BBS9: variants seen among roughly 807,000 people sequenced by gnomAD.
BBS9 encodes Bardet-Biedl syndrome 9, also known as protein PTHB1.
BBS9 carries 89 observed loss-of-function variants against 117.7 expected under a neutral mutation model. The ratio of observed to expected loss-of-function variants is 0.76; its 90% CI spans 0.64 to 0.90. The LOEUF (loss-of-function observed/expected upper bound fraction) is 0.90, where lower values mean the gene tolerates loss of function less well. BBS9 is among the 40% of genes least tolerant of loss of function. The probability of loss-of-function intolerance (pLI) is 0.00; values close to 1 mark genes in which losing one functional copy is unlikely to be tolerated. For missense variants in BBS9, 982 were observed against 1,042.2 expected (o/e 0.94, Z 0.80); for synonymous variants, 379 against 370.9 (o/e 1.02, Z -0.25).
chr7:33,329,591 C>A (rs1554423020), intron 9 of BBS9, among the ~76,000 whole-genome samples: 1 of 151,994 alleles, frequency 6.6e-6, no homozygotes, highest in Non-Finnish European at 1.5e-5. Context: ...TATTCCCCCC[C>A]TATCATTTGG....
chr7:33,315,263 G>A (rs1810235103), intron 9 of BBS9, among the ~76,000 whole-genome samples: 2 of 152,186 alleles, frequency 1.3e-5, no homozygotes, highest in South Asian at 4.1e-4. Flanking sequence ...GTCTTTGCTA[G>A]CTGCTGGCAA....
intron 5 of BBS9, among the ~76,000 whole-genome samples, chr7:33,217,716 C>T (rs1789349866): frequency 6.6e-6 from 1 of 152,202 alleles, no homozygotes; most frequent in South Asian, 2.1e-4. Flanking sequence ...GGACATTCCT[C>T]TTGAGGCATG....
intron 21 of BBS9, among the ~76,000 whole-genome samples, chr7:33,634,342 A>T (rs923712604): frequency 1.3e-5 from 2 of 152,220 alleles, no homozygotes; most frequent in Non-Finnish European, 2.9e-5. Context: ...TGGACTCTGC[A>T]GTGGGCAGCC....
At chr7:33,554,949 G>A (rs1006960562) in intron 21 of BBS9, among the ~76,000 whole-genome samples, 6 of 152,152 alleles carry the variant, frequency 3.9e-5, no homozygotes, top group Non-Finnish European at 5.9e-5. Flanking sequence ...GAAGCCAAGC[G>A]AAGGGAGGAT....
intron 19 of BBS9, among the ~76,000 whole-genome samples, chr7:33,442,274 T>G (rs755716175): frequency 6.6e-6 from 1 of 152,202 alleles, no homozygotes; most frequent in Non-Finnish European, 1.5e-5. Flanking sequence ...ACGCCCTTGA[T>G]ACTAATTATC....
At chr7:33,602,419 C>T (rs1863934656) in intron 21 of BBS9, among the ~76,000 whole-genome samples, 1 of 152,116 alleles carries the variant, frequency 6.6e-6, no homozygotes, top group Admixed American at 6.6e-5. Context: ...AGTCTGGCTA[C>T]AGGAGGCATC....
rs375597295 is a variant in BBS9, at chr7:33,167,770, T to G, written c.329-9708T>G. On this transcript the variant is annotated intron_variant, in intron 4 of 22. Coordinates refer to ENST00000242067, the MANE Select transcript of BBS9 (RefSeq NM_198428.3). ...GTTACCAGAAACCTGTATTCAAGAGTGCTTGTCGGGGTCCTTTCTATCCTT... is the reference window on the plus strand; with the variant it reads ...GTTACCAGAAACCTGTATTCAAGAGGGCTTGTCGGGGTCCTTTCTATCCTT... 3.9e-5 allele frequency among the ~76,000 whole-genome samples: 6 copies of G among 152,080 alleles called. No individual in the cohort carries two copies. In the East Asian group the frequency reaches 1.2e-3, roughly 29 times the overall value.
intron 19 of BBS9, among the ~76,000 whole-genome samples, chr7:33,492,204 A>G (rs1235688976): frequency 1.7e-4 from 9 of 51,808 alleles, no homozygotes; most frequent in African/African-American, 8.2e-4. Flanking sequence ...TTCCACCTCG[A>G]AAAAAAAAAC....
intron 19 of BBS9, among the ~76,000 whole-genome samples, chr7:33,418,752 C>T (rs570811529): frequency 2.6e-5 from 4 of 152,208 alleles, no homozygotes; most frequent in African/African-American, 7.2e-5. Flanking sequence ...CCCAGTCTAG[C>T]GTAGTGTTGA....
intron 5 of BBS9, among the ~76,000 whole-genome samples, chr7:33,224,668 G>A (rs1376222956): frequency 2.6e-5 from 4 of 152,056 alleles, no homozygotes; most frequent in Middle Eastern, 3.4e-3. Flanking sequence ...TCCTGTTAAC[G>A]TCCCACAGTC....
At chr7:33,506,550 C>A (rs1219507388) in intron 20 of BBS9, among the ~76,000 whole-genome samples, 1 of 152,108 alleles carries the variant, frequency 6.6e-6, no homozygotes, top group Non-Finnish European at 1.5e-5. Flanking sequence ...CTGTTTCCAT[C>A]CCTGTTTTAC....
intron 1 of BBS9, among the ~76,000 whole-genome samples, chr7:33,130,889 G>A (rs966286315): frequency 3.9e-5 from 6 of 152,012 alleles, no homozygotes; most frequent in Non-Finnish European, 7.4e-5. Flanking sequence ...TATATTTATG[G>A]TACAACTTCT....
chr7:33,550,583 G>A lies in BBS9; in HGVS notation c.2521+16407G>A, dbSNP rs149670996. ...CTCAGCCACAACACGCAAAGATGAC[G>A]TTCTTTAGAACTGTCATGCTGAATG... On this transcript the variant is annotated intron_variant, in intron 21 of 22. Transcript: ENST00000242067. Among the ~76,000 whole-genome samples the A allele has an allele frequency of 2.8e-4, 43 of 152,046 alleles. No individual in the cohort carries two copies. In the East Asian group the frequency reaches 6.8e-3, roughly 24 times the overall value.
chr7:33,567,280 C>G (rs1295289575), intron 21 of BBS9, among the ~76,000 whole-genome samples: 1 of 152,184 alleles, frequency 6.6e-6, no homozygotes, highest in African/African-American at 2.4e-5. Flanking sequence ...TCAGCAGTCT[C>G]TCTCTTCTTT....
intron 21 of BBS9, among the ~76,000 whole-genome samples, chr7:33,621,935 C>A (rs571033119): frequency 6.6e-6 from 1 of 152,146 alleles, no homozygotes; most frequent in Non-Finnish European, 1.5e-5. Flanking sequence ...ATGGGCTGGG[C>A]GCAGTGGTTC....
At chr7:33,312,285 G>C (rs1381775485) in intron 9 of BBS9, among the ~76,000 whole-genome samples, 1 of 152,206 alleles carries the variant, frequency 6.6e-6, no homozygotes. Context: ...GTGTTAGCTA[G>C]AGCGGGATAT....
At chr7:33,220,705 T>A (rs1790083796) in intron 5 of BBS9, among the ~76,000 whole-genome samples, 1 of 152,234 alleles carries the variant, frequency 6.6e-6, no homozygotes, top group South Asian at 2.1e-4. Flanking sequence ...TTGTACATTG[T>A]CCAATTCATG....
chr7:33,432,093 T>C lies in BBS9; in HGVS notation c.2115+43949T>C, dbSNP rs569221915. On this transcript the variant is annotated intron_variant, in intron 19 of 22. Transcript: ENST00000242067. The stretch of plus-strand genomic sequence containing the variant: ...ATTTTTTTTCTTTCTTTCTTTCTTT[T>C]TTTTTTTTTGAGACAGAGTCTCACT... Among the ~76,000 whole-genome samples the C allele has an allele frequency of 5.3e-5, 8 of 151,608 alleles. No individual in the cohort carries two copies. The East Asian group carries it at 1.2e-3, about 22-fold the overall frequency.
rs370631861 is a variant in BBS9, at chr7:33,349,099, A to G, written c.1361A>G (p.Lys454Arg). 3.1e-6 allele frequency: 5 copies of G among 1,612,962 alleles called. No homozygotes were observed. Among genetic ancestry groups the G allele is most frequent in the Non-Finnish European group, 4.2e-6 (5 of 1,179,228 alleles). The change falls in exon 13 of 23, where the codon AAA becomes AGA. Residue 454 changes from lysine to arginine, a missense_variant. By Grantham distance (26) the Lys-to-Arg change is conservative (BLOSUM62 2). Coordinates refer to ENST00000242067, the MANE Select transcript of BBS9 (RefSeq NM_198428.3). Reference sequence around the variant, plus strand: ...CTGCAGAACAGAGTGATATTGCAAAAAGCCAAATTATCAGTCTACGTGCAA... The same window carrying G: ...CTGCAGAACAGAGTGATATTGCAAAGAGCCAAATTATCAGTCTACGTGCAA... ...VTLQNRVILQ[K>R]AKLSVYVQPP...
Sources: allele counts gnomAD v4.1 joint callset (sites outside exome capture counted in the v4.1 genomes callset), GRCh38; gene constraint gnomAD v4.1.1; transcripts MANE v1.5; gene names NCBI Gene and HGNC (gene_info 2026-07-23, HGNC 2026-07-21).